The following RYR3 variants were observed in gnomAD, a reference collection of about 807,000 sequenced individuals.
The protein encoded by RYR3 is brain ryanodine receptor-calcium release channel.
In RYR3, 207 loss-of-function variants were observed where a neutral mutation model predicts 584.3. That is an observed-to-expected ratio of 0.35 (90% CI 0.32 to 0.40). The LOEUF is 0.40. RYR3 is among the 10% of genes least tolerant of loss of function. The probability of loss-of-function intolerance (pLI) is 1.00; values close to 1 mark genes in which losing one functional copy is unlikely to be tolerated. For missense variants in RYR3, 5,616 were observed against 6,089.2 expected, an observed-to-expected ratio of 0.92 and a Z score of 2.59; for synonymous variants, 2,416 against 2,248.5, an observed-to-expected ratio of 1.07 and a Z score of -2.11.
chr15:33,609,673 A>G lies in RYR3; in HGVS notation c.2165-3510A>G, dbSNP rs543867108. On this transcript the variant is annotated intron_variant, in intron 18 of 103. Transcript: ENST00000634891. ...GTCTCAAAAAAAAGTTGAAGTAACT[A>G]CAGTGATATTTTCCAGAAGTTAAAC... is the stretch of plus-strand genomic sequence containing the variant. 5.3e-5 allele frequency among the ~76,000 whole-genome samples: 8 copies of G among 152,348 alleles called. No homozygotes were observed. The South Asian group carries it at 1.7e-3, about 32-fold the overall frequency.
intron 1 of RYR3, among the ~76,000 whole-genome samples, chr15:33,396,098 A>T (rs1412183228): frequency 6.6e-6 from 1 of 152,066 alleles, no homozygotes; most frequent in Non-Finnish European, 1.5e-5. Flanking sequence ...CATGCCGGTG[A>T]CTTTTCCATA....
chr15:33,810,291 T>C (rs1409713274), intron 70 of RYR3, among the ~76,000 whole-genome samples, 188 bp from the exon 71 acceptor site: 1 of 152,220 alleles, frequency 6.6e-6, no homozygotes, highest in Non-Finnish European at 1.5e-5. Context: ...GGCTCAGGGT[T>C]ATGGCTGGTC....
intron 38 of RYR3, among the ~76,000 whole-genome samples, chr15:33,678,992 A>C (rs946865184): frequency 2.0e-5 from 3 of 152,236 alleles, no homozygotes; most frequent in African/African-American, 7.2e-5. Context: ...AGAAATTTGC[A>C]TGATGAATTC....
intron 77 of RYR3, 70 bp downstream of exon 77, chr15:33,819,877 A>G: frequency 8.0e-7 from 1 of 1,252,932 alleles, no homozygotes; most frequent in Non-Finnish European, 1.1e-6. Flanking sequence ...GGCGCATGAA[A>G]ATTGTCATGT....
intron 38 of RYR3, among the ~76,000 whole-genome samples, chr15:33,675,846 T>G (rs2064142046): frequency 6.6e-6 from 1 of 152,168 alleles, no homozygotes; most frequent in East Asian, 1.9e-4. Context: ...GATTTAGCCC[T>G]TACCAGCTTT....
At chr15:33,516,453 C>T (rs931167493) in intron 3 of RYR3, among the ~76,000 whole-genome samples, 2 of 151,936 alleles carry the variant, frequency 1.3e-5, no homozygotes, top group African/African-American at 4.8e-5. Context: ...AGGTGATTCT[C>T]CTGCCTCAGC....
In RYR3 at chr15:33,603,295, G is replaced by C; in HGVS notation, c.2095G>C (p.Gly699Arg). The change falls in exon 18 of 104, where the codon GGA becomes CGA. Residue 699 changes from glycine to arginine, a missense_variant. Coordinates refer to ENST00000634891, the MANE Select transcript of RYR3 (RefSeq NM_001036.6). Reference sequence around the variant, plus strand: ...TGCCCCATACCCAGGAGGTGGAGAAGGATGGGGAGGCAATGGTGTTGGTGA... The same window carrying C: ...TGCCCCATACCCAGGAGGTGGAGAACGATGGGGAGGCAATGGTGTTGGTGA... Reference protein sequence around the residue: ...GYAPYPGGGEGWGGNGVGDDL... With the variant: ...GYAPYPGGGERWGGNGVGDDL... The C allele has an allele frequency of 6.2e-7, 1 of 1,613,740 alleles. No individual in the cohort carries two copies. Among genetic ancestry groups the C allele is most frequent in the Non-Finnish European group, 8.5e-7 (1 of 1,179,734 alleles).
At position 33,628,526 on chromosome 15, in the gene RYR3, A is replaced by G; in HGVS notation, c.2630A>G (p.His877Arg). ...CGAGACAGACTAGCTGAAAACATCC[A>G]TGAGCTTTGGGGAATGAATAAAATA... is the stretch of plus-strand genomic sequence containing the variant. ...KIRDRLAENI[H>R]ELWGMNKIEL... is the part of the protein sequence containing the mutation. The change falls in exon 21 of 104, where the codon CAT (histidine) becomes CGT (arginine). Residue 877 changes from histidine to arginine, a missense_variant. Around this residue, in one of 9 missense-constraint regions of RYR3, gnomAD observed 1,284 missense variants for 1,344.6 expected, o/e 0.95. Coordinates refer to ENST00000634891, the MANE Select transcript of RYR3 (RefSeq NM_001036.6). 1 of 1,613,850 alleles carries G rather than the reference A, an allele frequency of 6.2e-7. No homozygotes were observed. The highest frequency in any genetic ancestry group is 8.5e-7 in the Non-Finnish European group (1 of 1,179,778).
chr15:33,477,310 C>T (rs954237401), intron 2 of RYR3, among the ~76,000 whole-genome samples: 1 of 151,632 alleles, frequency 6.6e-6, no homozygotes, highest in African/African-American at 2.4e-5. Flanking sequence ...TGGTGTGTGA[C>T]CCGGAGAAAA....
At position 33,633,055 on chromosome 15, in the gene RYR3, A is replaced by C; in HGVS notation, c.2974A>C (p.Asn992His). Residue 992 changes from asparagine to histidine, a missense_variant, in exon 24 of 104, where the codon AAT (asparagine) becomes CAT (histidine). Transcript: ENST00000634891. ...LVDKLAENAH[N>H]VWAKDRIKQG... is the part of the protein sequence containing the mutation. ...GGATAAGCTTGCAGAAAATGCACAC[A>C]ATGTTTGGGCAAAAGACAGAATAAA... 6.2e-7 allele frequency: 1 copy of C among 1,614,036 alleles called. No individual in the cohort carries two copies. Among genetic ancestry groups the C allele is most frequent in the Non-Finnish European group, 8.5e-7 (1 of 1,179,892 alleles).
chr15:33,817,951 C>T (rs1266535669), intron 75 of RYR3, among the ~76,000 whole-genome samples: 2 of 152,188 alleles, frequency 1.3e-5, no homozygotes, highest in Non-Finnish European at 2.9e-5. Flanking sequence ...TTTCTCTTTC[C>T]ATGAAAAGCG....
chr15:33,807,785 C>A, intron 70 of RYR3: 6 of 591,990 alleles, frequency 1.0e-5, no homozygotes, highest in Non-Finnish European at 1.8e-5. Flanking sequence ...GCCAGCCAAG[C>A]CTCACCCTAA....
At chr15:33,613,138 T>TG in intron 18 of RYR3, 45 bp from the exon 19 acceptor site, 1 of 1,491,940 alleles carries the variant, frequency 6.7e-7, no homozygotes. Context: ...GCCTAGCAGG[T>TG]GCCTCCAGAG....
chr15:33,453,063 GT>G (rs200105349), intron 1 of RYR3, among the ~76,000 whole-genome samples: 32 of 32,822 alleles, frequency 9.7e-4, no homozygotes, highest in Admixed American at 8.0e-3. Flanking sequence ...TGAAACTAGG[GT>G]TTTTTTCCTT....
In RYR3 at chr15:33,736,296, C is replaced by G. The variant is rs2069455678; in HGVS notation, c.7486C>G (p.Leu2496Val). 6.2e-7 allele frequency: 1 copy of G among 1,612,702 alleles called. No individual in the cohort carries two copies. Among genetic ancestry groups the G allele is most frequent in the Non-Finnish European group, 8.5e-7 (1 of 1,179,346 alleles). The stretch of plus-strand genomic sequence containing the variant: ...ACGCCTCGTTTTTGATGTGCCGCAA[C>G]TCAATGAATACTGCAAAATGCCTCT... ...LRRLVFDVPQ[L>V]NEYCKMPLKL... Residue 2496 changes from leucine to valine, a missense_variant, in exon 49 of 104, where the codon CTC becomes GTC. Leu to Val is a conservative substitution (Grantham distance 32). Coordinates refer to ENST00000634891, the MANE Select transcript of RYR3 (RefSeq NM_001036.6).
intron 64 of RYR3, among the ~76,000 whole-genome samples, chr15:33,778,416 T>C (rs563585392): frequency 6.6e-6 from 1 of 152,324 alleles, no homozygotes; most frequent in East Asian, 1.9e-4. Context: ...AAATTGCCTC[T>C]TGTGAATGCC....
intron 1 of RYR3, among the ~76,000 whole-genome samples, chr15:33,455,087 C>A (rs549007895): frequency 6.6e-6 from 1 of 152,124 alleles, no homozygotes; most frequent in Admixed American, 6.5e-5. Flanking sequence ...GCAGTGGGAA[C>A]GGAGAGAAGC....
In RYR3 at chr15:33,662,777, G is replaced by A. The variant is rs1253090010; in HGVS notation, c.5247G>A (p.Leu1749=). Residue 1749 remains leucine (L), a synonymous_variant, in exon 35 of 104, where the codon CTG becomes CTA. Coordinates refer to ENST00000634891, the MANE Select transcript of RYR3 (RefSeq NM_001036.6). ...DDDDVRQILL[L]IDPSVFGEHS... is the part of the protein sequence containing the mutation. ...ATGATGTTCGGCAGATCCTCCTCCT[G>A]ATTGATCCCTCTGTGTTTGGGGAGC... 6.2e-7 allele frequency: 1 copy of A among 1,614,064 alleles called. No individual in the cohort carries two copies. The highest frequency in any genetic ancestry group is 8.5e-7 in the Non-Finnish European group (1 of 1,179,930).
chr15:33,696,323 A>G lies in RYR3; in HGVS notation c.5966A>G (p.Gln1989Arg), dbSNP rs548480286. 1 of 1,613,894 alleles carries G rather than the reference A, an allele frequency of 6.2e-7. No individual in the cohort carries two copies. The highest frequency in any genetic ancestry group is 2.2e-5 in the East Asian group (1 of 44,840). Residue 1989 changes from glutamine to arginine, a missense_variant, in exon 39 of 104, where the codon CAG becomes CGG. By Grantham distance (43) the Gln-to-Arg change is conservative. This residue lies in a region of RYR3 where 1,280 missense variants were observed against 1,426.2 expected (regional missense o/e 0.90). Transcript: ENST00000634891. ...VRMMFNLLRR[Q>R]YDSIGELLQA... ...ATGATGTTCAACCTCCTCCGGAGGC[A>G]GTATGACAGCATTGGGGAGCTGCTG...
Sources: allele counts gnomAD v4.1 joint callset (sites outside exome capture counted in the v4.1 genomes callset), GRCh38; gene constraint gnomAD v4.1.1; regional missense constraint gnomAD v4.1.1; transcripts MANE v1.5; gene names NCBI Gene and HGNC (gene_info 2026-07-23, HGNC 2026-07-21).